AMTN: variants seen among roughly 807,000 people sequenced by gnomAD.
AMTN encodes RSTI689.
In AMTN, 29 loss-of-function variants were observed where a neutral mutation model predicts 27.4. The observed-to-expected ratio is 1.06, with a 90% CI of 0.79 to 1.44. The LOEUF is 1.44. Among genes scored for constraint, AMTN ranks in the 40% most tolerant of loss-of-function variants. AMTN has a pLI of 0.00. For synonymous variants in AMTN, 86 were observed against 95.7 expected (o/e 0.90, Z 0.59); for missense variants, 247 against 248.8 (o/e 0.99, Z 0.05).
intron 5 of AMTN, among the ~76,000 whole-genome samples, chr4:70,526,745 T>A (rs1289424448): frequency 6.6e-6 from 1 of 152,162 alleles, no homozygotes; most frequent in Non-Finnish European, 1.5e-5. Context: ...AAGGCATTAG[T>A]GGAGCCTGGA....
At chr4:70,524,999 G>C in intron 5 of AMTN, 38 bp downstream of exon 5, 2 of 1,581,020 alleles carry the variant, frequency 1.3e-6, no homozygotes, top group African/African-American at 2.7e-5. Context: ...TAACATTAGA[G>C]AGCATTTTCT....
In AMTN at chr4:70,525,769, G is replaced by T. The variant is rs183586176; in HGVS notation, c.294+808G>T. On this transcript the variant is annotated intron_variant, in intron 5 of 8. Transcript: ENST00000339336. ...AAAATAAATAGCCAGGCGTGGTGGG[G>T]CTCACCTATAGTCCCAAGTACTCGG... Among the ~76,000 whole-genome samples, 19 of 152,148 alleles carry T rather than the reference G, an allele frequency of 1.2e-4. No homozygotes were observed. The East Asian group carries it at 2.5e-3, about 20-fold the overall frequency.
intron 2 of AMTN, among the ~76,000 whole-genome samples, chr4:70,519,913 C>CGTGTGTGTGTGTGT (rs10645813): frequency 2.4e-4 from 36 of 147,206 alleles, no homozygotes; most frequent in African/African-American, 8.6e-4. Flanking sequence ...ATACTACATA[C>CGTGTGTGTGTGTGT]GTGTGTGTGT....
At position 70,522,786 on chromosome 4, in the gene AMTN, C is replaced by T. The variant is rs1421554755; in HGVS notation, c.86C>T (p.Thr29Ile). 1 of 1,613,958 alleles carries T rather than the reference C, an allele frequency of 6.2e-7. No individual in the cohort carries two copies. The highest frequency in any genetic ancestry group is 2.2e-5 in the East Asian group (1 of 44,892). ...AAACCTGCTTTGGGACTCCCTCCCA[C>T]AAAACTGGCTCCGGATCAGGGAACA... ...QLKPALGLPP[T>I]KLAPDQGTLP... Residue 29 changes from threonine (T) to isoleucine (I), a missense_variant, in exon 3 of 9, where the codon ACA becomes ATA. Coordinates refer to ENST00000339336, the MANE Select transcript of AMTN (RefSeq NM_212557.4).
chr4:70,523,559 A>G (rs1285980743), intron 3 of AMTN, among the ~76,000 whole-genome samples: 1 of 152,226 alleles, frequency 6.6e-6, no homozygotes, highest in African/African-American at 2.4e-5. Flanking sequence ...CTTCTTTAAG[A>G]AAAAGAATAC....
intron 7 of AMTN, among the ~76,000 whole-genome samples, 178 bp downstream of exon 7, chr4:70,529,388 T>A (rs915835349): frequency 6.6e-5 from 10 of 152,202 alleles, no homozygotes; most frequent in African/African-American, 2.4e-4. Context: ...TTCATTATAC[T>A]TCTCCAGCTA....
chr4:70,528,754 C>T lies in AMTN; in HGVS notation c.326C>T (p.Ala109Val), dbSNP rs769186578. ...VLPIFVTQLG[A>V]QGTILSSEEL... is the part of the protein sequence containing the mutation. ...CCAATTTTTGTCACACAACTTGGAGCCCAGGTAAAAATTATGCTTAATATT... is the reference window on the plus strand; with the variant it reads ...CCAATTTTTGTCACACAACTTGGAGTCCAGGTAAAAATTATGCTTAATATT... Residue 109 changes from alanine to valine, a missense_variant, in exon 6 of 9, where the codon GCC becomes GTC. Physicochemically the swap from Ala to Val is moderately conservative, Grantham distance 64. Coordinates refer to ENST00000339336, the MANE Select transcript of AMTN (RefSeq NM_212557.4). 1.3e-6 allele frequency: 2 copies of T among 1,593,660 alleles called. No individual in the cohort carries two copies. The highest frequency in any genetic ancestry group is 1.2e-5 in the South Asian group (1 of 86,882).
At chr4:70,521,892 TTACACGGTGGCATGAGCCACCG>T (rs1479525265) in intron 2 of AMTN, among the ~76,000 whole-genome samples, 3 of 152,200 alleles carry the variant, frequency 2.0e-5, no homozygotes, top group Non-Finnish European at 4.4e-5. Context: ...AGTGCTGGGA[TTACACGGTGGCATGAGCCACCG>T]TGCCCAGCCC....
In AMTN at chr4:70,532,508, A is replaced by T; in HGVS notation, c.*43A>T. ...CAACTAAGCTGCCTCGAATTTGGTGATACATGTGAATCTTTATCATTGATT... is the reference window on the plus strand; with the variant it reads ...CAACTAAGCTGCCTCGAATTTGGTGTTACATGTGAATCTTTATCATTGATT... On this transcript the variant is annotated 3_prime_UTR_variant, in exon 9 of 9. Transcript: ENST00000339336. 1 of 1,570,890 alleles carries T rather than the reference A, an allele frequency of 6.4e-7. No individual in the cohort carries two copies. The highest frequency in any genetic ancestry group is 8.7e-7 in the Non-Finnish European group (1 of 1,143,904).
chr4:70,527,471 G>A (rs1736124262), intron 5 of AMTN, among the ~76,000 whole-genome samples: 1 of 152,106 alleles, frequency 6.6e-6, no homozygotes, highest in Non-Finnish European at 1.5e-5. Flanking sequence ...GCCACGTGAA[G>A]GCTAGTTGGG....
intron 5 of AMTN, among the ~76,000 whole-genome samples, chr4:70,525,672 G>T (rs967421863): frequency 3.9e-5 from 6 of 152,188 alleles, no homozygotes; most frequent in Admixed American, 2.0e-4. Flanking sequence ...AAGGCAGGAG[G>T]ATCACTTGAG....
chr4:70,522,806 G>C lies in AMTN; in HGVS notation c.106G>C (p.Gly36Arg). 6.2e-7 allele frequency: 1 copy of C among 1,613,662 alleles called. No individual in the cohort carries two copies. The highest frequency in any genetic ancestry group is 8.5e-7 in the Non-Finnish European group (1 of 1,179,792). ...LPPTKLAPDQ[G>R]TLPNQQQSNQ... ...TCCCACAAAACTGGCTCCGGATCAG[G>C]GAACACTACCAAACCAACAGCAGTC... is the stretch of plus-strand genomic sequence containing the variant. Residue 36 changes from glycine (G) to arginine (R), a missense_variant, in exon 3 of 9, where the codon GGA becomes CGA. Physicochemically the swap from Gly to Arg is moderately radical, Grantham distance 125. Coordinates refer to ENST00000339336, the MANE Select transcript of AMTN (RefSeq NM_212557.4).
At position 70,518,831 on chromosome 4, in the gene AMTN, A is replaced by G; in HGVS notation, c.54A>G (p.Pro18=). 1.9e-6 allele frequency: 3 copies of G among 1,608,122 alleles called. No individual in the cohort carries two copies. Among genetic ancestry groups the G allele is most frequent in the Non-Finnish European group, 2.6e-6 (3 of 1,174,552 alleles). ...TTCTAGGATCAACTCGGTCATTACC[A>G]GTAAGTATGTTATGTTTGTTTTATA... ...FCLLGSTRSL[P]QLKPALGLPP... Residue 18 remains proline, a splice_region_variant and synonymous_variant, in exon 2 of 9, where the codon CCA becomes CCG. Coordinates refer to ENST00000339336, the MANE Select transcript of AMTN (RefSeq NM_212557.4).
rs192947479 is a variant in AMTN at position 70,520,183 on chromosome 4, C to T, written c.54+1352C>T. 2.6e-3 allele frequency among the ~76,000 whole-genome samples: 399 copies of T among 152,210 alleles called. 3 individuals are homozygous for T. Among genetic ancestry groups the T allele is most frequent in the African/African-American group, 8.9e-3 (368 of 41,540 alleles). On this transcript the variant is annotated intron_variant, in intron 2 of 8. Transcript: ENST00000339336. ...TGAGGTGGGCTGAGGTGGAGCAGGC[C>T]GGCTGTGCAGGCCACAGCAGATTGC...
rs148416277 is a variant in AMTN, at chr4:70,531,066, C to G, written c.385C>G (p.His129Asp). ...LPQIFTSLII[H>D]SLFPGGILPT... ...ACAAATCTTCACGAGCCTCATCATC[C>G]ATTCCTTGTTCCCGGGAGGCATCCT... The change falls in exon 8 of 9, where the codon CAT becomes GAT. Residue 129 changes from histidine (H) to aspartate (D), a missense_variant. Coordinates refer to ENST00000339336, the MANE Select transcript of AMTN (RefSeq NM_212557.4). 12 of 1,614,030 alleles carry G rather than the reference C, an allele frequency of 7.4e-6. No homozygotes were observed. In the South Asian group the frequency reaches 1.3e-4, roughly 18 times the overall value.
chr4:70,523,831 A>G, intron 3 of AMTN, 37 bp from the exon 4 acceptor site: 1 of 1,574,622 alleles, frequency 6.4e-7, no homozygotes, highest in Non-Finnish European at 8.7e-7. Flanking sequence ...GAAGCAGACA[A>G]CCTCTTGTCT....
At chr4:70,527,459 T>C (rs769011988) in intron 5 of AMTN, among the ~76,000 whole-genome samples, 9 of 152,228 alleles carry the variant, frequency 5.9e-5, no homozygotes, top group Non-Finnish European at 1.0e-4. Flanking sequence ...CACTTTCCCA[T>C]TGCCACGTGA....
chr4:70,528,464 C>T (rs1174168767), intron 5 of AMTN, among the ~76,000 whole-genome samples: 4 of 152,036 alleles, frequency 2.6e-5, no homozygotes, highest in Non-Finnish European at 5.9e-5. Context: ...GCCTGACCAA[C>T]ATGGTGAAAC....
Position 70,529,055 on chromosome 4 carries a change from CAT to C in AMTN, c.331-126_331-125del, listed in dbSNP as rs574071840. 1.5e-3 allele frequency: 1,242 copies of C among 842,466 alleles called. 10 individuals are homozygous for C. The highest frequency in any genetic ancestry group is 1.0e-3 in the Non-Finnish European group (576 of 566,372). The allele number at this position is 842,466 out of a possible 1,614,324, so 52.2% of individuals were successfully genotyped here. A position where few individuals can be genotyped will look rare whatever the true frequency, so the allele number is the denominator to read the frequency against. On this transcript the variant is annotated intron_variant, in intron 6 of 8. Coordinates refer to ENST00000339336, the MANE Select transcript of AMTN (RefSeq NM_212557.4). ...TAATATAGATCATAAGGCAGTTTAA[CAT>C]ATTATTGGAAAGGCAAAATCTGTAT...
Sources: gnomAD v4.1 joint callset for allele counts (sites outside exome capture counted in the v4.1 genomes callset) on GRCh38, gnomAD v4.1.1 for gene constraint, MANE v1.5 for transcripts, NCBI Gene and HGNC (gene_info 2026-07-23, HGNC 2026-07-21) for gene names.